Variants in MAPK10 observed in about 807,000 individuals in gnomAD.
MAPK10 encodes JNK3 alpha protein kinase.
Under a neutral mutation model 59.3 loss-of-function variants are expected in MAPK10, and 25 were observed. The ratio of observed to expected loss-of-function variants is 0.42; its 90% CI spans 0.31 to 0.59. The LOEUF is 0.59. Among genes scored for constraint, MAPK10 ranks in the 20% least tolerant of loss-of-function variants. MAPK10 has a pLI of 0.15. For synonymous variants in MAPK10, 190 were observed against 200.5 expected (o/e 0.95, Z 0.44); for missense variants, 351 against 568.9 (o/e 0.62, Z 3.90).
At chr4:86,208,653 G>T (rs890315960) in intron 2 of MAPK10, among the ~76,000 whole-genome samples, 1 of 151,740 alleles carries the variant, frequency 6.6e-6, no homozygotes, top group Non-Finnish European at 1.5e-5. Context: ...GGCAAAAACC[G>T]GAAGCACTCC....
intron 2 of MAPK10, among the ~76,000 whole-genome samples, chr4:86,250,388 T>G (rs2093350378): frequency 6.6e-6 from 1 of 152,200 alleles, no homozygotes; most frequent in Non-Finnish European, 1.5e-5. Flanking sequence ...TACTCTATTC[T>G]ATTTTAAACA....
chr4:86,047,078 G>A (rs533081125), intron 11 of MAPK10, among the ~76,000 whole-genome samples: 1 of 151,576 alleles, frequency 6.6e-6, no homozygotes, highest in South Asian at 2.1e-4. Context: ...ACTATTATTA[G>A]TATTATTTTT....
chr4:86,078,032 A>T (rs938185748), intron 9 of MAPK10, among the ~76,000 whole-genome samples: 1 of 152,210 alleles, frequency 6.6e-6, no homozygotes, highest in South Asian at 2.1e-4. Context: ...CAGGGAACTT[A>T]CAAAAATACA....
rs925459583 is a variant in MAPK10 at position 86,554,098 on chromosome 4, T to C, written c.-263+39812A>G. ...AGAAGGCAGGACGAGGGGGTAGTCATGGGCCTTTAACGGGAAAGATTTGAA... is the reference window on the plus strand; with the variant it reads ...AGAAGGCAGGACGAGGGGGTAGTCACGGGCCTTTAACGGGAAAGATTTGAA... On this transcript the variant is annotated intron_variant, in intron 1 of 4. Coordinates refer to the MAPK10 transcript ENST00000502302. Among the ~76,000 whole-genome samples, 30 of 152,106 alleles carry C rather than the reference T, an allele frequency of 2.0e-4. 1 individual carries two copies. The highest frequency in any genetic ancestry group is 9.7e-4 in the East Asian group (5 of 5,158).
intron 1 of MAPK10, among the ~76,000 whole-genome samples, chr4:86,366,505 C>T (rs1011837193): frequency 2.0e-5 from 3 of 151,902 alleles, no homozygotes; most frequent in African/African-American, 7.3e-5. Flanking sequence ...ATATCTAGTC[C>T]CATACCCTGA....
chr4:86,154,853 A>C (rs940307430), intron 4 of MAPK10, among the ~76,000 whole-genome samples: 1 of 152,148 alleles, frequency 6.6e-6, no homozygotes, highest in Non-Finnish European at 1.5e-5. Flanking sequence ...ATAATATTTA[A>C]ATATGCAAAT....
intron 2 of MAPK10, among the ~76,000 whole-genome samples, chr4:86,278,625 T>G (rs1211318389): frequency 6.6e-6 from 1 of 152,156 alleles, no homozygotes; most frequent in Non-Finnish European, 1.5e-5. Context: ...CCTAGCAATT[T>G]TTTAAAAACT....
At chr4:86,564,720 G>A (rs946593180) in intron 1 of MAPK10, among the ~76,000 whole-genome samples, 3 of 152,150 alleles carry the variant, frequency 2.0e-5, no homozygotes, top group South Asian at 2.1e-4. Context: ...AGGTGAAACC[G>A]GCAAATATTC....
At chr4:86,150,544 C>T (rs183473580) in intron 4 of MAPK10, among the ~76,000 whole-genome samples, 252 of 152,328 alleles carry the variant, frequency 1.7e-3, no homozygotes, top group African/African-American at 5.8e-3. Flanking sequence ...GAGCATCCTC[C>T]TCCACAGGGG....
chr4:86,286,677 G>C (rs1470980327), intron 2 of MAPK10, among the ~76,000 whole-genome samples: 3 of 152,144 alleles, frequency 2.0e-5, no homozygotes, highest in Non-Finnish European at 4.4e-5. Context: ...TGACTCCAGA[G>C]CTCCTGCCTT....
chr4:86,167,263 A>C (rs545596897), intron 3 of MAPK10, among the ~76,000 whole-genome samples: 1 of 152,328 alleles, frequency 6.6e-6, no homozygotes, highest in East Asian at 1.9e-4. Context: ...GACCAGACAG[A>C]TTCACAGCTG....
chr4:86,164,025 T>A (rs2070755448), intron 3 of MAPK10, among the ~76,000 whole-genome samples: 1 of 152,144 alleles, frequency 6.6e-6, no homozygotes, highest in East Asian at 1.9e-4. Context: ...CATTTTCATT[T>A]GTGAATGACT....
At chr4:86,205,074 T>C (rs2083495493) in intron 2 of MAPK10, among the ~76,000 whole-genome samples, 1 of 151,838 alleles carries the variant, frequency 6.6e-6, no homozygotes. Flanking sequence ...AAGAAAAAAA[T>C]TAAGCTATAA....
intron 2 of MAPK10, among the ~76,000 whole-genome samples, chr4:86,272,422 T>G (rs1461610631): frequency 6.6e-6 from 1 of 152,040 alleles, no homozygotes; most frequent in Admixed American, 6.6e-5. Context: ...TATATATTAT[T>G]TTTTCTAAAT....
At chr4:86,562,748 T>C (rs1760776004) in intron 1 of MAPK10, among the ~76,000 whole-genome samples, 2 of 152,128 alleles carry the variant, frequency 1.3e-5, no homozygotes, top group African/African-American at 4.8e-5. Context: ...TCCCCACACA[T>C]ACTGTAAGTT....
intron 2 of MAPK10, 63 bp from the exon 3 acceptor site, chr4:86,194,470 T>C: frequency 5.2e-6 from 5 of 964,336 alleles, no homozygotes; most frequent in Middle Eastern, 4.5e-4. Flanking sequence ...TATAACAATA[T>C]AGATTTTGGC....
At chr4:86,479,579 A>G (rs754337715) in intron 1 of MAPK10, among the ~76,000 whole-genome samples, 22 of 151,634 alleles carry the variant, frequency 1.5e-4, no homozygotes, top group African/African-American at 4.1e-4. Flanking sequence ...TACACTGCCG[A>G]TTTACACTGT....
In MAPK10 at chr4:86,017,171, G is replaced by A. The variant is rs1743649518; in HGVS notation, c.*57C>T. Reference sequence around the variant, plus strand: ...TGTGTGTGTGTGTGTCTGCGTGTGTGTGTGTTCCATCACATCATCTCCTGA... The same window carrying A: ...TGTGTGTGTGTGTGTCTGCGTGTGTATGTGTTCCATCACATCATCTCCTGA... On this transcript the variant is annotated 3_prime_UTR_variant, in exon 14 of 14. Coordinates refer to ENST00000641462, the MANE Select transcript of MAPK10 (RefSeq NM_138982.4). This position sits in a 1 kb window ranked among gnomAD's most constrained non-coding sequence, Gnocchi z 4.4. 2 of 1,580,202 alleles carry A rather than the reference G, an allele frequency of 1.3e-6. No homozygotes were observed. The highest frequency in any genetic ancestry group is 1.1e-5 in the South Asian group (1 of 87,364).
intron 2 of MAPK10, among the ~76,000 whole-genome samples, chr4:86,312,998 G>A (rs2095701255): frequency 6.6e-6 from 1 of 152,008 alleles, no homozygotes; most frequent in Non-Finnish European, 1.5e-5. Flanking sequence ...TGCCCTTGTA[G>A]ATACATATGT....
Sources: gnomAD v4.1 joint callset for allele counts (sites outside exome capture counted in the v4.1 genomes callset) on GRCh38, gnomAD v4.1.1 for gene constraint, Gnocchi (gnomAD v3.1) non-coding constraint, MANE v1.5 for transcripts, NCBI Gene and HGNC (gene_info 2026-07-23, HGNC 2026-07-21) for gene names.